Variants in NTN1 observed in about 807,000 individuals in gnomAD.
NTN1 encodes the protein netrin-1.
A neutral mutation model predicts 54.2 loss-of-function variants in NTN1; 11 were observed. That is an observed-to-expected ratio of 0.20 (90% CI 0.13 to 0.34). The LOEUF is 0.34. NTN1 is among the 10% of genes least tolerant of loss of function. NTN1 has a pLI of 1.00. For synonymous variants in NTN1, 371 were observed against 382.0 expected (o/e 0.97, Z 0.33); for missense variants, 740 against 893.1 (o/e 0.83, Z 2.18).
chr17:9,038,208 A>ACTCT (rs55729025), intron 2 of NTN1, among the ~76,000 whole-genome samples: 3,730 of 148,090 alleles, frequency 0.025, 87 homozygotes, highest in Non-Finnish European at 0.043. Context: ...TGTCTATCGG[A>ACTCT]CTCTCTCTCT....
chr17:9,003,843 G>A, the NTN1 span, among the ~76,000 whole-genome samples: 4 of 152,124 alleles, frequency 2.6e-5, no homozygotes, highest in Admixed American at 2.0e-4. The surrounding 1 kb of genome is among the most constrained non-coding windows in gnomAD (Gnocchi z 7.4). Flanking sequence ...AATGCCATTC[G>A]CCGAGCGCTC....
rs1255200192 is a variant in NTN1 at position 9,135,956 on chromosome 17, G to A, written c.1019-26857G>A. On this transcript the variant is annotated intron_variant, in intron 2 of 6. Transcript: ENST00000173229. The surrounding 1 kb of genome is among the most constrained non-coding windows in gnomAD (Gnocchi z 4.4). ...TGTGTGCGCACGCTCACTCATACAT[G>A]TGTGCACGTGCCTACTCAAACTCGA... 6.6e-6 allele frequency among the ~76,000 whole-genome samples: 1 copy of A among 152,188 alleles called. No individual in the cohort carries two copies. The highest frequency in any genetic ancestry group is 1.5e-5 in the Non-Finnish European group (1 of 68,044).
intron 3 of NTN1, 36 bp downstream of exon 3, chr17:9,163,037 A>AC (rs1326796077): frequency 1.3e-6 from 2 of 1,544,818 alleles, no homozygotes; most frequent in South Asian, 1.2e-5. Context: ...GGCTGGGGAG[A>AC]CCCGGGGAAC....
intron 2 of NTN1, among the ~76,000 whole-genome samples, chr17:9,127,326 AGTGTC>A (rs1278345682): frequency 2.0e-5 from 3 of 152,106 alleles, no homozygotes. Flanking sequence ...TGTGGAAGGC[AGTGTC>A]ACCAGAACTA....
At chr17:9,220,632 G>A (rs1000895814) in intron 5 of NTN1, among the ~76,000 whole-genome samples, 1 of 152,090 alleles carries the variant, frequency 6.6e-6, no homozygotes, top group Admixed American at 6.5e-5. Flanking sequence ...GTCTTCGTGG[G>A]GCATTTTATT....
rs1256891836 is a variant in NTN1, at chr17:9,221,994, C to T, written c.1486+752C>T. 6.6e-6 allele frequency among the ~76,000 whole-genome samples: 1 copy of T among 152,166 alleles called. No homozygotes were observed. The highest frequency in any genetic ancestry group is 1.5e-5 in the Non-Finnish European group (1 of 68,002). The stretch of plus-strand genomic sequence containing the variant: ...TCAGAATGGGGGACGCAAATAGAAA[C>T]CCTGAAAGCATTGTCCAGCTGACCA... On this transcript the variant is annotated intron_variant, in intron 6 of 6. Transcript: ENST00000173229. The surrounding 1 kb of genome is among the most constrained non-coding windows in gnomAD (Gnocchi z 4.5).
intron 5 of NTN1, among the ~76,000 whole-genome samples, chr17:9,193,936 A>AAAAAAAAAC (rs1567734946): frequency 9.2e-6 from 1 of 108,150 alleles, no homozygotes; most frequent in Non-Finnish European, 2.0e-5. Context: ...AAAAAAAAAA[A>AAAAAAAAAC]AAAAAAAACA....
At chr17:9,044,706 T>C (rs1381719708) in intron 2 of NTN1, among the ~76,000 whole-genome samples, 1 of 148,556 alleles carries the variant, frequency 6.7e-6, no homozygotes, top group Non-Finnish European at 1.5e-5. Flanking sequence ...CTCCAGATAC[T>C]CTATATTCTT....
At chr17:9,040,336 T>C (rs909554017) in intron 2 of NTN1, among the ~76,000 whole-genome samples, 1 of 152,142 alleles carries the variant, frequency 6.6e-6, no homozygotes, top group Non-Finnish European at 1.5e-5. Context: ...TTCAGAAGAG[T>C]TTACTTCTAT....
intron 5 of NTN1, among the ~76,000 whole-genome samples, chr17:9,194,245 A>AAC (rs1491057439): frequency 6.6e-6 from 1 of 152,148 alleles, no homozygotes; most frequent in African/African-American, 2.4e-5. Context: ...CAAAAAAAAA[A>AAC]ATTATGCAAT....
chr17:9,158,605 C>T (rs180939459), intron 2 of NTN1, among the ~76,000 whole-genome samples: 8 of 152,304 alleles, frequency 5.3e-5, no homozygotes, highest in African/African-American at 1.4e-4. Flanking sequence ...GACCAGGAGC[C>T]AGAAGGGTAG....
the NTN1 span, among the ~76,000 whole-genome samples, chr17:9,013,074 C>G: frequency 1.3e-5 from 2 of 151,712 alleles, no homozygotes; most frequent in African/African-American, 4.8e-5. Context: ...GTGGGTGGAA[C>G]TTGCTGGCAT....
chr17:9,220,895 G>A (rs982963923), intron 5 of NTN1, among the ~76,000 whole-genome samples: 1 of 142,660 alleles, frequency 7.0e-6, no homozygotes, highest in East Asian at 2.3e-4. Flanking sequence ...GGAGCCCCCC[G>A]AGACTCTCAC....
At position 9,196,190 on chromosome 17, in the gene NTN1, G is replaced by A. The variant is rs899576143; in HGVS notation, c.1411+13221G>A. ...CCTCGTGTTCTGGGGCACAGCACCC[G>A]GGCAATGGGGGGCTGCCTGGGAGGT... On this transcript the variant is annotated intron_variant, in intron 5 of 6. Coordinates refer to ENST00000173229, the MANE Select transcript of NTN1 (RefSeq NM_004822.3). 3.9e-5 allele frequency among the ~76,000 whole-genome samples: 6 copies of A among 152,294 alleles called. No individual in the cohort carries two copies. The East Asian group carries it at 9.7e-4, about 25-fold the overall frequency.
intron 2 of NTN1, among the ~76,000 whole-genome samples, chr17:9,144,148 G>A (rs117910050): frequency 0.014 from 2,163 of 152,090 alleles, 33 homozygotes; most frequent in Non-Finnish European, 0.023. Flanking sequence ...CACCCATCTC[G>A]GCCTCCTAAA....
intron 5 of NTN1, among the ~76,000 whole-genome samples, chr17:9,217,197 T>C (rs1905235005): frequency 6.6e-6 from 1 of 152,220 alleles, no homozygotes; most frequent in African/African-American, 2.4e-5. Context: ...TCTTTGTCAC[T>C]GTGTCCTCCT....
intron 2 of NTN1, among the ~76,000 whole-genome samples, chr17:9,063,702 C>T (rs1230081265): frequency 6.6e-6 from 1 of 152,146 alleles, no homozygotes; most frequent in Non-Finnish European, 1.5e-5. Context: ...TGCCCGCCAC[C>T]ACGCCTGGCT....
At chr17:9,227,107 T>A (rs1020432599) in intron 6 of NTN1, among the ~76,000 whole-genome samples, 3 of 150,620 alleles carry the variant, frequency 2.0e-5, no homozygotes, top group South Asian at 4.2e-4. Flanking sequence ...CATCCTCACC[T>A]CCTCCTGTCT....
intron 2 of NTN1, among the ~76,000 whole-genome samples, chr17:9,119,737 A>G (rs770395022): frequency 1.3e-4 from 20 of 152,092 alleles, no homozygotes; most frequent in Admixed American, 3.3e-4. Flanking sequence ...GCCTCAAGCA[A>G]TCTTTCTGCT....
Sources: gnomAD v4.1 joint callset for allele counts (sites outside exome capture counted in the v4.1 genomes callset) on GRCh38, gnomAD v4.1.1 for gene constraint, Gnocchi (gnomAD v3.1) non-coding constraint, MANE v1.5 for transcripts, NCBI Gene and HGNC (gene_info 2026-07-23, HGNC 2026-07-21) for gene names.